The following SH3PXD2A variants were observed in gnomAD, a reference collection of about 807,000 sequenced individuals.
SH3PXD2A encodes SH3 and PX domains 2A, also known as SH3 and PX domain-containing protein 2A.
Under a neutral mutation model 115.2 loss-of-function variants are expected in SH3PXD2A, and 32 were observed. The ratio of observed to expected loss-of-function variants is 0.28; its 90% CI spans 0.21 to 0.37. The LOEUF (loss-of-function observed/expected upper bound fraction) is 0.37. Ranked by LOEUF, SH3PXD2A falls within the 10% of genes least tolerant of loss-of-function variation. SH3PXD2A has a pLI of 1.00. For synonymous variants in SH3PXD2A, 610 were observed against 629.1 expected (o/e 0.97, Z 0.45); for missense variants, 1,328 against 1,498.7 (o/e 0.89, Z 1.88).
chr10:103,609,157 GAAA>G (rs767710953), intron 13 of SH3PXD2A: 3 of 95,128 alleles, frequency 3.2e-5, no homozygotes, highest in Admixed American at 1.2e-4. Flanking sequence ...CTCTGTCTCT[GAAA>G]AAAAAAAAAA....
intron 3 of SH3PXD2A, among the ~76,000 whole-genome samples, chr10:103,745,412 T>C (rs568410433): frequency 6.6e-6 from 1 of 152,382 alleles, no homozygotes; most frequent in East Asian, 1.9e-4. Flanking sequence ...GTTACTGTTA[T>C]GTGACAGGGG....
At position 103,603,704 on chromosome 10, in the gene SH3PXD2A, C is replaced by T. The variant is rs779769042; in HGVS notation, c.1514G>A (p.Arg505His). ...GCGGCGGCTCAGGTTGGGCTTCTTG[C>T]GCTTATCGATGTATGATGCGGGGGC... Reference protein sequence around the residue: ...GWAPASYIDKRKKPNLSRRTS... With the variant: ...GWAPASYIDKHKKPNLSRRTS... The change falls in exon 15 of 15, where the codon CGC (arginine) becomes CAC (histidine). Residue 505 changes from arginine (R) to histidine (H), a missense_variant. By Grantham distance (29) the Arg-to-His change is conservative. Transcript: ENST00000369774. The T allele has an allele frequency of 3.7e-6, 6 of 1,610,236 alleles. No individual in the cohort carries two copies. The highest frequency in any genetic ancestry group is 4.2e-6 in the Non-Finnish European group (5 of 1,179,512).
intron 1 of SH3PXD2A, among the ~76,000 whole-genome samples, chr10:103,853,967 C>G (rs77410164): frequency 0.035 from 5,335 of 152,304 alleles, 131 homozygotes; most frequent in Non-Finnish European, 0.055. Context: ...CTAAGGGTGT[C>G]AGGGACTGGA....
intron 5 of SH3PXD2A, among the ~76,000 whole-genome samples, chr10:103,707,146 A>C (rs2037990948): frequency 6.6e-6 from 1 of 152,068 alleles, no homozygotes. Flanking sequence ...GTACCTAGGA[A>C]GTGATACTCC....
At chr10:103,821,188 G>GC (rs2039376255) in intron 1 of SH3PXD2A, among the ~76,000 whole-genome samples, 1 of 145,600 alleles carries the variant, frequency 6.9e-6, no homozygotes, top group African/African-American at 2.6e-5. Flanking sequence ...TGTCACCCAG[G>GC]CTGGAGTGCA....
intron 1 of SH3PXD2A, among the ~76,000 whole-genome samples, chr10:103,814,756 C>T (rs939336820): frequency 2.0e-5 from 3 of 152,084 alleles, no homozygotes; most frequent in Admixed American, 6.5e-5. Flanking sequence ...TCAGGCACTG[C>T]GCTAGGTGCT....
intron 2 of SH3PXD2A, among the ~76,000 whole-genome samples, chr10:103,777,442 C>G (rs1260611025): frequency 6.6e-6 from 1 of 152,224 alleles, no homozygotes; most frequent in Non-Finnish European, 1.5e-5. Context: ...GTGCGTGGGC[C>G]AGGGTTGGGG....
chr10:103,790,332 T>G (rs902440680), intron 2 of SH3PXD2A, among the ~76,000 whole-genome samples: 1 of 152,044 alleles, frequency 6.6e-6, no homozygotes, highest in African/African-American at 2.4e-5. Flanking sequence ...TTTTTTTGTA[T>G]TTTTAGTAGA....
chr10:103,603,387 C>T lies in SH3PXD2A; in HGVS notation c.1831G>A (p.Asp611Asn). ...ARFKVGESSE[D>N]VALEEETIYE... ...ATGGTCTCCTCTTCCAGGGCCACAT[C>T]CTCTGAAGACTCACCCACCTTGAAG... The change falls in exon 15 of 15, where the codon GAT (aspartate) becomes AAT (asparagine). Residue 611 changes from aspartate to asparagine, a missense_variant. Asp to Asn is a conservative substitution (Grantham distance 23, BLOSUM62 1). This residue lies in a region of SH3PXD2A where 509 missense variants were observed against 628.3 expected (regional missense o/e 0.81). Coordinates refer to ENST00000369774, the MANE Select transcript of SH3PXD2A (RefSeq NM_001394015.1). 3 of 1,614,184 alleles carry T rather than the reference C, an allele frequency of 1.9e-6. No individual in the cohort carries two copies. The highest frequency in any genetic ancestry group is 2.5e-6 in the Non-Finnish European group (3 of 1,180,028).
chr10:103,661,225 G>C, intron 7 of SH3PXD2A, 111 bp from the exon 8 acceptor site: 6 of 1,277,280 alleles, frequency 4.7e-6, no homozygotes, highest in Non-Finnish European at 6.3e-6. Flanking sequence ...CGCCAGCGCC[G>C]CTCCCAGGGG....
chr10:103,607,084 A>G (rs1223130843), intron 13 of SH3PXD2A, among the ~76,000 whole-genome samples: 10 of 148,050 alleles, frequency 6.8e-5, no homozygotes, highest in Admixed American at 2.0e-4. Flanking sequence ...CCATCTAGGA[A>G]GTGAGGAGCG....
intron 8 of SH3PXD2A, among the ~76,000 whole-genome samples, chr10:103,643,830 G>C (rs565313379): frequency 6.6e-6 from 1 of 152,332 alleles, no homozygotes; most frequent in African/African-American, 2.4e-5. Flanking sequence ...CTGCAGACCA[G>C]GCCAGGCGCG....
At chr10:103,847,472 C>A (rs1157349215) in intron 1 of SH3PXD2A, among the ~76,000 whole-genome samples, 1 of 152,182 alleles carries the variant, frequency 6.6e-6, no homozygotes, top group Non-Finnish European at 1.5e-5. Context: ...TGCCTCCACA[C>A]CTGGCTTATT....
intron 8 of SH3PXD2A, among the ~76,000 whole-genome samples, chr10:103,635,268 TG>T (rs2036846457): frequency 6.6e-6 from 1 of 152,226 alleles, no homozygotes; most frequent in Non-Finnish European, 1.5e-5. Context: ...AAGTCAACCC[TG>T]GTTTCCAGGT....
At chr10:103,785,901 G>A (rs973192045) in intron 2 of SH3PXD2A, among the ~76,000 whole-genome samples, 5 of 151,682 alleles carry the variant, frequency 3.3e-5, no homozygotes, top group Non-Finnish European at 5.9e-5. Flanking sequence ...AAAAGCCTCC[G>A]GGGAGGCTGA....
At chr10:103,643,177 G>A (rs2036979878) in intron 8 of SH3PXD2A, among the ~76,000 whole-genome samples, 4 of 152,162 alleles carry the variant, frequency 2.6e-5, no homozygotes, top group Admixed American at 1.3e-4. Context: ...CAGCCACCAC[G>A]AATGCCGATG....
intron 3 of SH3PXD2A, among the ~76,000 whole-genome samples, chr10:103,748,009 T>G (rs1266348857): frequency 6.7e-6 from 1 of 148,178 alleles, no homozygotes; most frequent in African/African-American, 2.7e-5. Context: ...GACAGTCAAC[T>G]CTCTTCATCA....
intron 8 of SH3PXD2A, among the ~76,000 whole-genome samples, 165 bp downstream of exon 8, chr10:103,660,818 G>C (rs1048441292): frequency 6.6e-6 from 1 of 152,252 alleles, no homozygotes; most frequent in Non-Finnish European, 1.5e-5. Context: ...CTGCTGGCCT[G>C]CAGCCCAAAC....
intron 1 of SH3PXD2A, among the ~76,000 whole-genome samples, chr10:103,837,635 C>G (rs1000119209): frequency 3.3e-5 from 5 of 152,126 alleles, no homozygotes; most frequent in Non-Finnish European, 4.4e-5. Context: ...TCAGGTGAGC[C>G]CAGGGGACGT....
Sources: gnomAD v4.1 joint callset for allele counts (sites outside exome capture counted in the v4.1 genomes callset) on GRCh38, gnomAD v4.1.1 for gene constraint, gnomAD v4.1.1 regional missense constraint, MANE v1.5 for transcripts, NCBI Gene and HGNC (gene_info 2026-07-23, HGNC 2026-07-21) for gene names.